The following ST8SIA1 variants were observed in gnomAD, a reference collection of about 807,000 sequenced individuals.
ST8SIA1 encodes ST8 alpha-N-acetyl-neuraminide alpha-2,8-sialyltransferase 1.
ST8SIA1 carries 16 observed loss-of-function variants against 35.9 expected under a neutral mutation model. That is an observed-to-expected ratio of 0.45 (90% CI 0.30 to 0.68). ST8SIA1 has a LOEUF of 0.68. Among genes scored for constraint, ST8SIA1 ranks in the 30% least tolerant of loss-of-function variants. The probability of loss-of-function intolerance (pLI) is 0.09; values close to 1 mark genes in which losing one functional copy is unlikely to be tolerated. For synonymous variants in ST8SIA1, 170 were observed against 169.6 expected (o/e 1.00, Z -0.02); for missense variants, 383 against 453.6 (o/e 0.84, Z 1.41).
At chr12:22,284,713 C>T (rs926289039) in intron 2 of ST8SIA1, among the ~76,000 whole-genome samples, 1 of 152,168 alleles carries the variant, frequency 6.6e-6, no homozygotes, top group Non-Finnish European at 1.5e-5. Flanking sequence ...AGTATTCTTC[C>T]TTTATTATTC....
At chr12:22,255,167 C>A in intron 3 of ST8SIA1, 113 bp downstream of exon 3, 1 of 810,546 alleles carries the variant, frequency 1.2e-6, no homozygotes, top group Non-Finnish European at 2.1e-6. Context: ...AGCTAAGGAG[C>A]GTGCTACAAC....
In ST8SIA1 at chr12:22,287,299, A is replaced by G; in HGVS notation, c.237-6T>C. ...AGCAGTCTTCCATTTGTTTCCTAGGAGAGAAAACAGAGAGAGAGAAAAGAA... is the reference window on the plus strand; with the variant it reads ...AGCAGTCTTCCATTTGTTTCCTAGGGGAGAAAACAGAGAGAGAGAAAAGAA... On this transcript the variant is annotated splice_region_variant and splice_polypyrimidine_tract_variant and intron_variant, in intron 1 of 4. Transcript: ENST00000396037. 6.2e-7 allele frequency: 1 copy of G among 1,608,924 alleles called. No homozygotes were observed. Among genetic ancestry groups the G allele is most frequent in the Admixed American group, 1.7e-5 (1 of 58,822 alleles).
chr12:22,229,142 G>A (rs568770696), intron 4 of ST8SIA1, among the ~76,000 whole-genome samples: 1 of 151,868 alleles, frequency 6.6e-6, no homozygotes, highest in East Asian at 1.9e-4. Context: ...AAAAAAACAG[G>A]GGAGGGGTGT....
At chr12:22,291,787 A>G (rs1866179928) in intron 1 of ST8SIA1, among the ~76,000 whole-genome samples, 1 of 152,230 alleles carries the variant, frequency 6.6e-6, no homozygotes, top group Non-Finnish European at 1.5e-5. Context: ...AAATGCTGCA[A>G]TAATAAATTT....
intron 4 of ST8SIA1, among the ~76,000 whole-genome samples, chr12:22,213,668 C>A (rs1229070102): frequency 2.6e-5 from 4 of 152,138 alleles, no homozygotes; most frequent in Non-Finnish European, 4.4e-5. Flanking sequence ...GCCTTGGGAG[C>A]AGCTAGAGGT....
chr12:22,266,862 C>T (rs1023779279), intron 2 of ST8SIA1, among the ~76,000 whole-genome samples: 5 of 150,208 alleles, frequency 3.3e-5, no homozygotes, highest in South Asian at 2.1e-4. Context: ...CACACACACA[C>T]ACACACACAC....
intron 1 of ST8SIA1, among the ~76,000 whole-genome samples, chr12:22,318,752 T>C (rs891885415): frequency 6.6e-6 from 1 of 152,224 alleles, no homozygotes; most frequent in Non-Finnish European, 1.5e-5. Context: ...CTATACAAAA[T>C]GAAATTTTAT....
rs375374747 is a variant in ST8SIA1, at chr12:22,320,001, A to G, written c.236+13996T>C. Among the ~76,000 whole-genome samples the G allele has an allele frequency of 7.9e-5, 12 of 152,328 alleles. 1 individual carries two copies. The highest frequency in any genetic ancestry group is 2.9e-4 in the African/African-American group (12 of 41,568). On this transcript the variant is annotated intron_variant, in intron 1 of 4. Coordinates refer to ENST00000396037, the MANE Select transcript of ST8SIA1 (RefSeq NM_003034.4). ...TTGGGCATCTCATTTGTAATGGGAA[A>G]CCTTGATTTCTTGCTTAAGATGAAA...
intron 4 of ST8SIA1, among the ~76,000 whole-genome samples, chr12:22,225,912 G>C (rs747957385): frequency 4.6e-5 from 7 of 152,014 alleles, no homozygotes; most frequent in Non-Finnish European, 8.8e-5. Flanking sequence ...CCGTGGGGGC[G>C]GCACTTACAC....
intron 1 of ST8SIA1, among the ~76,000 whole-genome samples, chr12:22,317,663 G>C (rs933620555): frequency 4.6e-5 from 7 of 152,184 alleles, no homozygotes; most frequent in Non-Finnish European, 8.8e-5. Flanking sequence ...GAGAGAACGA[G>C]GGCACTCAAA....
intron 4 of ST8SIA1, 79 bp from the exon 5 acceptor site, chr12:22,202,117 T>C: frequency 7.6e-7 from 1 of 1,320,614 alleles, no homozygotes; most frequent in African/African-American, 1.5e-5. Context: ...TGTCTTCTGG[T>C]GGCCCTGATA....
intron 4 of ST8SIA1, among the ~76,000 whole-genome samples, chr12:22,237,541 AT>A (rs546742329): frequency 6.0e-5 from 9 of 151,080 alleles, no homozygotes; most frequent in East Asian, 1.9e-4. Context: ...TTATATATTT[AT>A]TTTTTTCACT....
In ST8SIA1 at chr12:22,320,730, G is replaced by C. The variant is rs531628717; in HGVS notation, c.236+13267C>G. 2.0e-5 allele frequency among the ~76,000 whole-genome samples: 3 copies of C among 151,636 alleles called. No homozygotes were observed. In the South Asian group the frequency reaches 6.3e-4, roughly 32 times the overall value. On this transcript the variant is annotated intron_variant, in intron 1 of 4. Transcript: ENST00000396037. The stretch of plus-strand genomic sequence containing the variant: ...TGGGCCTACAGTCCCAGGTACTTGG[G>C]AGGCTGAGTCAGGAGGTTTCCTTGA...
At chr12:22,323,321 C>T (rs952762838) in intron 1 of ST8SIA1, among the ~76,000 whole-genome samples, 1 of 152,176 alleles carries the variant, frequency 6.6e-6, no homozygotes, top group Non-Finnish European at 1.5e-5. Flanking sequence ...AGAGGCAACA[C>T]CCCAAATCTG....
intron 1 of ST8SIA1, among the ~76,000 whole-genome samples, chr12:22,313,843 A>C (rs897928830): frequency 1.3e-5 from 2 of 152,252 alleles, no homozygotes; most frequent in Admixed American, 1.3e-4. Flanking sequence ...TGACACCAGC[A>C]GATATGTTCA....
chr12:22,320,987 GAAAGAAAGAAAGAAAGAAGA>G (rs1565595939), intron 1 of ST8SIA1, among the ~76,000 whole-genome samples: 8 of 119,112 alleles, frequency 6.7e-5, no homozygotes, highest in African/African-American at 2.8e-4. Context: ...AAGAAAGAAA[GAAAGAAAGAAAGAAAGAAGA>G]AAGAAAGAAA....
At chr12:22,303,249 A>C (rs1055759910) in intron 1 of ST8SIA1, among the ~76,000 whole-genome samples, 1 of 152,108 alleles carries the variant, frequency 6.6e-6, no homozygotes, top group Non-Finnish European at 1.5e-5. Flanking sequence ...AGCCTGAAAG[A>C]GCCCCCTCCA....
chr12:22,214,312 G>C (rs1034821324), intron 4 of ST8SIA1, among the ~76,000 whole-genome samples: 2 of 152,062 alleles, frequency 1.3e-5, no homozygotes, highest in Admixed American at 1.3e-4. Context: ...TGCAATATGA[G>C]AGTCATTAAA....
chr12:22,271,567 G>C (rs909221963), intron 2 of ST8SIA1, among the ~76,000 whole-genome samples: 2 of 152,086 alleles, frequency 1.3e-5, no homozygotes, highest in Non-Finnish European at 2.9e-5. Context: ...GAAGGGAAAC[G>C]TAAGAAATTA....
Sources: allele counts gnomAD v4.1 joint callset (sites outside exome capture counted in the v4.1 genomes callset), GRCh38; gene constraint gnomAD v4.1.1; transcripts MANE v1.5; gene names NCBI Gene and HGNC (gene_info 2026-07-23, HGNC 2026-07-21).